Variants in HS2ST1 observed in about 807,000 individuals in gnomAD.
The protein encoded by HS2ST1 is 2-O-sulfotransferase.
HS2ST1 carries 18 observed loss-of-function variants against 42.9 expected under a neutral mutation model. That is an observed-to-expected ratio of 0.42 (90% CI 0.29 to 0.62). HS2ST1 has a LOEUF of 0.62. HS2ST1 is among the 20% of genes least tolerant of loss of function. The pLI is 0.21. For synonymous variants in HS2ST1, 146 were observed against 152.9 expected (o/e 0.95, Z 0.33); for missense variants, 334 against 433.8 (o/e 0.77, Z 2.04).
intron 1 of HS2ST1, among the ~76,000 whole-genome samples, chr1:87,051,539 T>C (rs1476377915): frequency 6.6e-6 from 1 of 152,220 alleles, no homozygotes; most frequent in African/African-American, 2.4e-5. Flanking sequence ...TAGTAAATGT[T>C]CAGTAGTCTG....
intron 1 of HS2ST1, among the ~76,000 whole-genome samples, chr1:86,973,804 A>G (rs1157410726): frequency 6.6e-6 from 1 of 152,180 alleles, no homozygotes; most frequent in Non-Finnish European, 1.5e-5. Flanking sequence ...TTTCCATTTA[A>G]TGGGATAAAA....
intron 1 of HS2ST1, chr1:86,958,515 G>C (rs1356214748): frequency 6.6e-6 from 1 of 152,266 alleles, no homozygotes; most frequent in Non-Finnish European, 1.5e-5. Flanking sequence ...TGTGTAAGTG[G>C]ACCTGTGCAG....
At chr1:86,993,386 C>T (rs1305284954) in intron 1 of HS2ST1, among the ~76,000 whole-genome samples, 1 of 151,960 alleles carries the variant, frequency 6.6e-6, no homozygotes, top group East Asian at 1.9e-4. Context: ...GGGGGTTGTT[C>T]CTGCTTACAT....
chr1:87,107,562 G>A lies in HS2ST1; in HGVS notation c.*2866G>A, dbSNP rs1652354594. ...CGCTTTTTCAGTATTTTGACCATAG[G>A]GAGATAATTTTTTTATAATACAAAA... On this transcript the variant is annotated 3_prime_UTR_variant, in exon 7 of 7. Transcript: ENST00000370550. The A allele has an allele frequency of 6.6e-6, 1 of 151,084 alleles. No individual in the cohort carries two copies. The highest frequency in any genetic ancestry group is 2.4e-5 in the African/African-American group (1 of 41,120). The allele number at this position is 151,084 out of a possible 1,614,324, so 9.4% of individuals were successfully genotyped here.
intron 4 of HS2ST1, among the ~76,000 whole-genome samples, chr1:87,094,900 A>G (rs934365583): frequency 1.3e-5 from 2 of 152,096 alleles, no homozygotes; most frequent in Non-Finnish European, 2.9e-5. Context: ...ATACTATTGC[A>G]TTGTCTTACT....
intron 1 of HS2ST1, among the ~76,000 whole-genome samples, chr1:86,922,160 TTTG>T (rs1186031882): frequency 2.2e-5 from 3 of 136,822 alleles, no homozygotes; most frequent in Admixed American, 6.8e-5. Context: ...AGCAGTGCTC[TTTG>T]TTGTTGTTTT....
rs559596067 is a variant in HS2ST1 at position 87,060,075 on chromosome 1, G to A, written c.125-12859G>A. ...TTATACAATTACTAATTTGGGGAAT[G>A]ATATCAAGAATTATGTTGTTTTTGG... On this transcript the variant is annotated intron_variant, in intron 1 of 6. Transcript: ENST00000370550. Among the ~76,000 whole-genome samples, 8 of 152,188 alleles carry A rather than the reference G, an allele frequency of 5.3e-5. No individual in the cohort carries two copies. The South Asian group carries it at 1.7e-3, about 32-fold the overall frequency.
intron 1 of HS2ST1, among the ~76,000 whole-genome samples, chr1:86,937,196 A>G (rs770457384): frequency 2.6e-4 from 39 of 152,168 alleles, no homozygotes; most frequent in Non-Finnish European, 4.3e-4. Flanking sequence ...GAATTTAAAT[A>G]GACTTATCAA....
intron 1 of HS2ST1, among the ~76,000 whole-genome samples, chr1:87,051,487 TC>T (rs1274462667): frequency 1.3e-5 from 2 of 152,314 alleles, no homozygotes; most frequent in East Asian, 3.8e-4. Context: ...TATGTAAAGA[TC>T]AACAAATTAT....
intron 1 of HS2ST1, among the ~76,000 whole-genome samples, chr1:87,006,272 G>A (rs1191430140): frequency 6.6e-6 from 1 of 152,102 alleles, no homozygotes; most frequent in African/African-American, 2.4e-5. Context: ...GACCCACTCA[G>A]CTTATTTTTT....
At chr1:87,000,523 G>A (rs1328561917) in intron 1 of HS2ST1, among the ~76,000 whole-genome samples, 1 of 152,154 alleles carries the variant, frequency 6.6e-6, no homozygotes, top group East Asian at 1.9e-4. Flanking sequence ...CTTGGACTAA[G>A]TGGCGTCTGG....
chr1:87,055,565 G>A (rs1290425999), intron 1 of HS2ST1, among the ~76,000 whole-genome samples: 3 of 152,168 alleles, frequency 2.0e-5, no homozygotes, highest in Non-Finnish European at 4.4e-5. Context: ...TCCCGCGTGG[G>A]TTACTTAAAA....
At chr1:87,016,430 T>A (rs1222464740) in intron 1 of HS2ST1, among the ~76,000 whole-genome samples, 1 of 152,238 alleles carries the variant, frequency 6.6e-6, no homozygotes, top group Non-Finnish European at 1.5e-5. Context: ...ATTAATTCTT[T>A]ACCCTTTCTT....
intron 1 of HS2ST1, among the ~76,000 whole-genome samples, chr1:87,054,495 A>T (rs1183607850): frequency 6.6e-6 from 1 of 152,148 alleles, no homozygotes; most frequent in East Asian, 1.9e-4. Flanking sequence ...GAAATGGAGA[A>T]AGTTCTCTTA....
rs1426099591 is a variant in HS2ST1, at chr1:87,072,988, A to T, written c.179A>T (p.Asp60Val). ...VREIEQRHTM[D>V]GPRQDATLDE... ...GAAATTGAGCAGCGACATACAATGGATGGCCCTCGGCAAGATGCCACTTTA... is the reference window on the plus strand; with the variant it reads ...GAAATTGAGCAGCGACATACAATGGTTGGCCCTCGGCAAGATGCCACTTTA... Residue 60 changes from aspartate to valine, a missense_variant, in exon 2 of 7, where the codon GAT (aspartate) becomes GTT (valine). Asp to Val is a radical substitution (Grantham distance 152, BLOSUM62 -3). Transcript: ENST00000370550. 4.3e-6 allele frequency: 7 copies of T among 1,614,108 alleles called. No individual in the cohort carries two copies. The East Asian group carries it at 1.3e-4, about 31-fold the overall frequency.
intron 1 of HS2ST1, among the ~76,000 whole-genome samples, chr1:87,028,192 C>T (rs1650136846): frequency 6.6e-6 from 1 of 152,170 alleles, no homozygotes. Flanking sequence ...AAGTGATTTT[C>T]ATGTCAGGAG....
chr1:87,018,132 C>CCACACACACACACACACACACACA lies in HS2ST1; in HGVS notation c.125-54793_125-54770dup, dbSNP rs56401098. ...TTTACCCTTCAAAGATAAATAAAAG[C>CCACACACACACACACACACACACA]CACACACACACACACACACACACAC... On this transcript the variant is annotated intron_variant, in intron 1 of 6. Transcript: ENST00000370550. Among the ~76,000 whole-genome samples, 788 of 149,314 alleles carry CCACACACACACACACACACACACA rather than the reference C, an allele frequency of 5.3e-3. 3 individuals carry two copies. Among genetic ancestry groups the CCACACACACACACACACACACACA allele is most frequent in the African/African-American group, 7.0e-3 (282 of 40,460 alleles).
intron 1 of HS2ST1, among the ~76,000 whole-genome samples, chr1:86,931,698 T>C (rs1386131133): frequency 2.0e-5 from 3 of 152,106 alleles, no homozygotes; most frequent in Admixed American, 1.3e-4. Context: ...TAAGTTCAAG[T>C]AGTTTTCAAT....
At chr1:87,034,800 C>T (rs1398087741) in intron 1 of HS2ST1, among the ~76,000 whole-genome samples, 1 of 152,074 alleles carries the variant, frequency 6.6e-6, no homozygotes, top group Non-Finnish European at 1.5e-5. Context: ...AATAATGGTT[C>T]CTTAAATATG....
Sources: gnomAD v4.1 joint callset for allele counts (sites outside exome capture counted in the v4.1 genomes callset) on GRCh38, gnomAD v4.1.1 for gene constraint, MANE v1.5 for transcripts, NCBI Gene and HGNC (gene_info 2026-07-23, HGNC 2026-07-21) for gene names.